MBD3: variants seen among roughly 807,000 people sequenced by gnomAD.
The protein encoded by MBD3 is methyl-CpG binding domain protein 3.
Under a neutral mutation model 31.2 loss-of-function variants are expected in MBD3, and 13 were observed. The ratio of observed to expected loss-of-function variants is 0.42; its 90% CI spans 0.27 to 0.66. The LOEUF (loss-of-function observed/expected upper bound fraction) is 0.66. Ranked by LOEUF, MBD3 falls within the 30% of genes least tolerant of loss-of-function variation. MBD3 has a pLI of 0.26. For synonymous variants in MBD3, 223 were observed against 187.4 expected (o/e 1.19, Z -1.55); for missense variants, 440 against 426.5 (o/e 1.03, Z -0.28).
chr19:1,592,532 A>G lies in MBD3; in HGVS notation c.100T>C (p.Phe34Leu). Residue 34 changes from phenylalanine (F) to leucine (L), a missense_variant, in exon 1 of 7, where the codon TTT becomes CTT. By Grantham distance (22) the Phe-to-Leu change is conservative. This residue lies in a region of MBD3 where 179 missense variants were observed against 134.7 expected (regional missense o/e 1.33). Transcript: ENST00000434436. ...SGLSAGHRDV[F>L]YYSPSGKKFR... ...GGCGCGCTCATTCACCTATAGTAAA[A>G]GACATCCCTGTGGCCGGCCGACAGC... 7.0e-7 allele frequency: 1 copy of G among 1,428,826 alleles called. No individual in the cohort carries two copies. Among genetic ancestry groups the G allele is most frequent in the Non-Finnish European group, 9.4e-7 (1 of 1,066,796 alleles). The allele number at this position is 1,428,826 out of a possible 1,614,324, so 88.5% of individuals were successfully genotyped here.
At chr19:1,579,645 C>T (rs1428716563) in intron 5 of MBD3, among the ~76,000 whole-genome samples, 1 of 152,196 alleles carries the variant, frequency 6.6e-6, no homozygotes, top group Admixed American at 6.6e-5. Context: ...CACTCTGTCC[C>T]CACCACCCGG....
intron 1 of MBD3, 193 bp downstream of exon 1, chr19:1,592,329 C>T (rs1338259232): frequency 5.9e-6 from 1 of 168,604 alleles, no homozygotes; most frequent in Non-Finnish European, 1.3e-5. Flanking sequence ...GGCCGAAAGC[C>T]ATGCGGCCCA....
chr19:1,581,678 GA>G (rs1917357466), intron 4 of MBD3: 1 of 329,606 alleles, frequency 3.0e-6, no homozygotes, highest in South Asian at 2.6e-5. Flanking sequence ...CCGGGAGGTA[GA>G]GGCTGCTGTG....
intron 1 of MBD3, among the ~76,000 whole-genome samples, chr19:1,588,779 C>CAAA (rs750933978): frequency 0.24 from 13,045 of 54,654 alleles, 1,019 homozygotes; most frequent in East Asian, 0.38. Flanking sequence ...ACTGTGTCTC[C>CAAA]AAAAAAAAAA....
chr19:1,580,910 G>A (rs1917337047), intron 5 of MBD3, among the ~76,000 whole-genome samples, 182 bp downstream of exon 5: 1 of 152,230 alleles, frequency 6.6e-6, no homozygotes, highest in African/African-American at 2.4e-5. Flanking sequence ...CCTGAACCCA[G>A]GACGCGGGTG....
intron 4 of MBD3, 47 bp downstream of exon 4, chr19:1,582,575 C>A (rs773321945): frequency 2.5e-5 from 39 of 1,575,728 alleles, no homozygotes; most frequent in Middle Eastern, 2.0e-4. Flanking sequence ...GCACCTCCAC[C>A]CCACCCGGCA....
chr19:1,573,805 GC>G lies in MBD3; in HGVS notation c.*4358del, dbSNP rs906051420. The G allele has an allele frequency of 7.9e-5, 12 of 152,188 alleles. No homozygotes were observed. The highest frequency in any genetic ancestry group is 7.9e-4 in the Admixed American group (12 of 15,270). 9.4% of individuals were successfully genotyped at this position (152,188 alleles called of 1,614,324 possible). ...TATTTGCCCTCAACAAAATTCTTTTGCCCGTGGCCAACATGGTGAAACCCTG... is the reference window on the plus strand; with the variant it reads ...TATTTGCCCTCAACAAAATTCTTTTGCCGTGGCCAACATGGTGAAACCCTG... On this transcript the variant is annotated 3_prime_UTR_variant, in exon 7 of 7. Transcript: ENST00000434436.
rs1345561209 is a variant in MBD3 at position 1,585,405 on chromosome 19, C to G, written c.111-191G>C. 1.6e-6 allele frequency: 1 copy of G among 614,506 alleles called. No homozygotes were observed. Among genetic ancestry groups the G allele is most frequent in the Admixed American group, 3.0e-5 (1 of 33,802 alleles). The allele number at this position is 614,506 out of a possible 1,614,324, so 38.1% of individuals were successfully genotyped here. ...CCCAGACCCCAACCCTGGCGTGACC[C>G]CAGACCTTCATCCCAGACCCCAGCA... On this transcript the variant is annotated intron_variant, in intron 1 of 6. Coordinates refer to ENST00000434436, the MANE Select transcript of MBD3 (RefSeq NM_001281453.2). This position sits in a 1 kb window ranked among gnomAD's most constrained non-coding sequence, Gnocchi z 4.1.
At chr19:1,586,635 A>G (rs2060680471) in intron 1 of MBD3, among the ~76,000 whole-genome samples, 1 of 150,576 alleles carries the variant, frequency 6.6e-6, no homozygotes, top group Admixed American at 6.6e-5. Context: ...TAGTCTCCCA[A>G]GTAGCTAGGA....
At chr19:1,584,394 G>C in intron 3 of MBD3, 146 bp downstream of exon 3, 2 of 1,272,920 alleles carry the variant, frequency 1.6e-6, no homozygotes, top group Non-Finnish European at 2.2e-6. Flanking sequence ...TTTTTTACTT[G>C]TTTTTTGCCT....
intron 4 of MBD3, among the ~76,000 whole-genome samples, chr19:1,582,026 CAG>C (rs1246117669): frequency 1.3e-5 from 2 of 152,142 alleles, no homozygotes; most frequent in African/African-American, 4.8e-5. Context: ...CTTGGCCTCC[CAG>C]AGTGTTGGGA....
chr19:1,578,081 C>T lies in MBD3; in HGVS notation c.*83G>A. 1.7e-6 allele frequency: 1 copy of T among 592,804 alleles called. No individual in the cohort carries two copies. The highest frequency in any genetic ancestry group is 3.0e-6 in the Non-Finnish European group (1 of 337,514). 36.7% of individuals were successfully genotyped at this position (592,804 alleles called of 1,614,324 possible). On this transcript the variant is annotated 3_prime_UTR_variant, in exon 7 of 7. Coordinates refer to ENST00000434436, the MANE Select transcript of MBD3 (RefSeq NM_001281453.2). This position sits in a 1 kb window ranked among gnomAD's most constrained non-coding sequence, Gnocchi z 6.1. ...GTGTCTCCAAGGCTGGGCTTCGCCGCCGAGCCTGGTTCACGTGGGGCCGAG... is the reference window on the plus strand; with the variant it reads ...GTGTCTCCAAGGCTGGGCTTCGCCGTCGAGCCTGGTTCACGTGGGGCCGAG...
chr19:1,582,534 T>C (rs1373101724), intron 4 of MBD3, 88 bp downstream of exon 4: 2 of 1,269,240 alleles, frequency 1.6e-6, no homozygotes, highest in Non-Finnish European at 2.3e-6. Flanking sequence ...GGAACAGCCA[T>C]CCACCCTGCC....
In MBD3 at chr19:1,581,033, G is replaced by C. The variant is rs145239686; in HGVS notation, c.677+59C>G. ...GCACGCAGGCACACGGGGACACTCA[G>C]GGTCCCCACGGCCACAAGAGACAGG... On this transcript the variant is annotated intron_variant, in intron 5 of 6. Transcript: ENST00000434436. The C allele has an allele frequency of 7.0e-4, 1,130 of 1,603,190 alleles. 9 individuals carry two copies. In the African/African-American group the frequency reaches 0.014, roughly 20 times the overall value.
intron 1 of MBD3, chr19:1,592,224 C>T (rs1344705644): frequency 5.9e-5 from 9 of 153,812 alleles, no homozygotes; most frequent in Non-Finnish European, 1.0e-4. Flanking sequence ...CCACCCCTGC[C>T]CCCCGGTAGC....
chr19:1,578,651 C>T lies in MBD3; in HGVS notation c.678-113G>A. 15 of 1,577,838 alleles carry T rather than the reference C, an allele frequency of 9.5e-6. No individual in the cohort carries two copies. The highest frequency in any genetic ancestry group is 1.1e-5 in the Non-Finnish European group (13 of 1,162,956). On this transcript the variant is annotated intron_variant, in intron 5 of 6. Transcript: ENST00000434436. The surrounding 1 kb of genome is among the most constrained non-coding windows in gnomAD (Gnocchi z 6.1). The stretch of plus-strand genomic sequence containing the variant: ...GGGAGGCCCGAGGGATCCACAGGCA[C>T]CCCCCCAGGACCAGCCCTGGCCCGT...
In MBD3 at chr19:1,575,502, C is replaced by T. The variant is rs762463925; in HGVS notation, c.*2662G>A. Reference sequence around the variant, plus strand: ...GGCCTTTGAGGATGGGGCCAGGCACCGCACAGGGCAGGCTGGTCATGAGGC... The same window carrying T: ...GGCCTTTGAGGATGGGGCCAGGCACTGCACAGGGCAGGCTGGTCATGAGGC... On this transcript the variant is annotated 3_prime_UTR_variant, in exon 7 of 7. Coordinates refer to ENST00000434436, the MANE Select transcript of MBD3 (RefSeq NM_001281453.2). The T allele has an allele frequency of 1.8e-5, 5 of 285,258 alleles. No homozygotes were observed. The highest frequency in any genetic ancestry group is 2.4e-4 in the East Asian group (2 of 8,220). 17.7% of individuals were successfully genotyped at this position (285,258 alleles called of 1,614,324 possible).
chr19:1,582,619 C>T lies in MBD3; in HGVS notation c.499+3G>A, dbSNP rs1163368138. The stretch of plus-strand genomic sequence containing the variant: ...TCCGCCTCCCCTCAGGGTGCCCGCT[C>T]ACCCTGCAGGCCCTTGGGGAGGTCC... On this transcript the variant is annotated splice_donor_region_variant and intron_variant, in intron 4 of 6. Coordinates refer to ENST00000434436, the MANE Select transcript of MBD3 (RefSeq NM_001281453.2). 3 of 1,613,588 alleles carry T rather than the reference C, an allele frequency of 1.9e-6. No homozygotes were observed. The highest frequency in any genetic ancestry group is 2.5e-6 in the Non-Finnish European group (3 of 1,179,892).
chr19:1,584,969 G>C, intron 2 of MBD3, 86 bp downstream of exon 2: 1 of 1,558,088 alleles, frequency 6.4e-7, no homozygotes, highest in South Asian at 1.1e-5. Flanking sequence ...AGGACGCCGG[G>C]CTGTGTCGCC....
Sources: allele counts gnomAD v4.1 joint callset (sites outside exome capture counted in the v4.1 genomes callset), GRCh38; gene constraint gnomAD v4.1.1; regional missense constraint gnomAD v4.1.1; non-coding constraint Gnocchi (gnomAD v3.1); transcripts MANE v1.5; gene names NCBI Gene and HGNC (gene_info 2026-07-23, HGNC 2026-07-21).